FOXN3: variants seen among roughly 807,000 people sequenced by gnomAD.
FOXN3 encodes forkhead box protein N3.
A neutral mutation model predicts 38.4 loss-of-function variants in FOXN3; 7 were observed. That is an observed-to-expected ratio of 0.18 (90% confidence interval 0.10 to 0.34). FOXN3 has a LOEUF of 0.34. FOXN3 is among the 10% of genes least tolerant of loss of function. The pLI is 1.00. For missense variants in FOXN3, 456 were observed against 613.4 expected (o/e 0.74, Z 2.71); for synonymous variants, 230 against 242.2 (o/e 0.95, Z 0.47).
chr14:89,491,803 T>C (rs1893582073), intron 1 of FOXN3, among the ~76,000 whole-genome samples: 1 of 152,232 alleles, frequency 6.6e-6, no homozygotes, highest in African/African-American at 2.4e-5. Context: ...AAATTTATTT[T>C]ATTTTTTCTA....
At chr14:89,531,095 CACAT>C (rs201543685) in intron 1 of FOXN3, among the ~76,000 whole-genome samples, 8,408 of 147,660 alleles carry the variant, frequency 0.057, 370 homozygotes, top group South Asian at 0.23. Context: ...TATATACACA[CACAT>C]ATATAATATA....
At chr14:89,589,584 G>A (rs532322909) in intron 1 of FOXN3, among the ~76,000 whole-genome samples, 13 of 151,998 alleles carry the variant, frequency 8.6e-5, no homozygotes, top group African/African-American at 1.2e-4. Context: ...GTCTATAGGC[G>A]AACAGTTGCG....
chr14:89,363,362 C>A (rs1374759221), intron 2 of FOXN3, among the ~76,000 whole-genome samples: 3 of 152,246 alleles, frequency 2.0e-5, no homozygotes, highest in Non-Finnish European at 2.9e-5. Flanking sequence ...ATACTACAAA[C>A]TAACCCATGA....
At chr14:89,179,580 G>A (rs1427549197) in intron 5 of FOXN3, among the ~76,000 whole-genome samples, 1 of 152,108 alleles carries the variant, frequency 6.6e-6, no homozygotes, top group Non-Finnish European at 1.5e-5. Flanking sequence ...ATAGTGATGC[G>A]GCATCAGACA....
chr14:89,220,759 A>G (rs1884437823), intron 4 of FOXN3, among the ~76,000 whole-genome samples: 1 of 152,132 alleles, frequency 6.6e-6, no homozygotes, highest in African/African-American at 2.4e-5. Flanking sequence ...GAATTTCTCA[A>G]TTGTATCCAA....
chr14:89,519,248 A>C (rs1894271735), intron 1 of FOXN3, among the ~76,000 whole-genome samples: 1 of 152,060 alleles, frequency 6.6e-6, no homozygotes, highest in Non-Finnish European at 1.5e-5. Flanking sequence ...CCGCATTTTC[A>C]TTTCCCTGCC....
intron 4 of FOXN3, among the ~76,000 whole-genome samples, chr14:89,191,393 C>T (rs973150756): frequency 4.6e-5 from 7 of 152,128 alleles, no homozygotes; most frequent in Non-Finnish European, 8.8e-5. Flanking sequence ...CAGAAGCTGC[C>T]GCCTGTGCCC....
intron 3 of FOXN3, 195 bp downstream of exon 3, chr14:89,350,477 C>CT (rs1888926352): frequency 2.3e-6 from 1 of 426,744 alleles, no homozygotes; most frequent in African/African-American, 2.0e-5. Flanking sequence ...GCACATTCCT[C>CT]TGACGCTGCA....
chr14:89,204,510 AT>A (rs1214178227), intron 4 of FOXN3, among the ~76,000 whole-genome samples: 2 of 152,334 alleles, frequency 1.3e-5, no homozygotes, highest in African/African-American at 2.4e-5. Context: ...AATGCTTGGT[AT>A]TTTTTTTAAA....
At chr14:89,507,577 C>A (rs926425419) in intron 1 of FOXN3, among the ~76,000 whole-genome samples, 2 of 152,284 alleles carry the variant, frequency 1.3e-5, no homozygotes, top group Non-Finnish European at 2.9e-5. Context: ...AAGAGATCAA[C>A]CCTAACTTTA....
chr14:89,288,720 CTCTCTATATATATATA>C (rs1800548400), intron 3 of FOXN3, among the ~76,000 whole-genome samples: 77 of 37,346 alleles, frequency 2.1e-3, no homozygotes, highest in African/African-American at 2.7e-3. Flanking sequence ...CTCTCTCTCT[CTCTCTATATATATATA>C]TATATATATA....
rs1034108659 is a variant in FOXN3 at position 89,615,859 on chromosome 14, TAG to T, written c.-15+3167_-15+3168del. ...ACATGCAGAATATTAAACATTAAAA[TAG>T]AGTTAGGACTCTCCTCCTCCCCACT... On this transcript the variant is annotated intron_variant, in intron 1 of 6. Coordinates refer to the FOXN3 transcript ENST00000345097. 3.9e-5 allele frequency among the ~76,000 whole-genome samples: 6 copies of T among 152,330 alleles called. No homozygotes were observed. The South Asian group carries it at 6.2e-4, about 16-fold the overall frequency.
chr14:89,362,500 T>TCCA (rs1555421526), intron 2 of FOXN3, among the ~76,000 whole-genome samples: 1 of 270 alleles, frequency 3.7e-3, no homozygotes, highest in Non-Finnish European at 0.015. Context: ...CACCACCATC[T>TCCA]CCACCACCAC....
At chr14:89,305,083 T>TA (rs1467306650) in intron 3 of FOXN3, among the ~76,000 whole-genome samples, 1 of 152,138 alleles carries the variant, frequency 6.6e-6, no homozygotes, top group Non-Finnish European at 1.5e-5. Context: ...CTAGAAAACT[T>TA]ACGCTGAGCC....
chr14:89,295,142 T>G lies in FOXN3; in HGVS notation c.681-14128A>C, dbSNP rs1253816735. Reference sequence around the variant, plus strand: ...GCACCCAGGAGGCTTTTTGGGCCCATCCCAGCCCAATCTCTCCCTCCGCTG... The same window carrying G: ...GCACCCAGGAGGCTTTTTGGGCCCAGCCCAGCCCAATCTCTCCCTCCGCTG... On this transcript the variant is annotated intron_variant, in intron 3 of 5. Transcript: ENST00000557258. 2.0e-5 allele frequency among the ~76,000 whole-genome samples: 3 copies of G among 152,036 alleles called. No individual in the cohort carries two copies. The East Asian group carries it at 5.8e-4, about 29-fold the overall frequency.
intron 4 of FOXN3, among the ~76,000 whole-genome samples, chr14:89,258,796 A>G (rs181243966): frequency 2.2e-4 from 33 of 152,308 alleles, no homozygotes; most frequent in Non-Finnish European, 4.4e-4. Context: ...ACGAGTATGA[A>G]GGTTCTCCCT....
chr14:89,514,890 G>T (rs965602001), intron 1 of FOXN3, among the ~76,000 whole-genome samples: 1 of 151,896 alleles, frequency 6.6e-6, no homozygotes, highest in Non-Finnish European at 1.5e-5. Context: ...CATCGAGATG[G>T]CTAAAACAAC....
chr14:89,537,698 T>C (rs953760339), intron 1 of FOXN3, among the ~76,000 whole-genome samples: 1 of 152,232 alleles, frequency 6.6e-6, no homozygotes, highest in Non-Finnish European at 1.5e-5. Flanking sequence ...CTGAAAAGAC[T>C]GGTGAATCAA....
At chr14:89,498,461 T>A (rs1596298069) in intron 1 of FOXN3, among the ~76,000 whole-genome samples, 1 of 152,078 alleles carries the variant, frequency 6.6e-6, no homozygotes, top group African/African-American at 2.4e-5. Context: ...AACCTTGTGA[T>A]CCGCCCGCCT....
Sources: allele counts gnomAD v4.1 joint callset (sites outside exome capture counted in the v4.1 genomes callset), GRCh38; gene constraint gnomAD v4.1.1; transcripts MANE v1.5; gene names NCBI Gene and HGNC (gene_info 2026-07-23, HGNC 2026-07-21).